CACNA2D3: variants seen among roughly 807,000 people sequenced by gnomAD.
CACNA2D3 encodes the protein calcium voltage-gated channel auxiliary subunit alpha2delta 3, also known as voltage-dependent calcium channel subunit alpha-2/delta-3.
CACNA2D3 carries 60 observed loss-of-function variants against 160.6 expected under a neutral mutation model. The observed-to-expected ratio is 0.37, with a 90% CI of 0.30 to 0.46. The LOEUF is 0.46. Ranked by LOEUF, CACNA2D3 falls within the 20% of genes least tolerant of loss-of-function variation. The probability of loss-of-function intolerance (pLI) is 1.00; values close to 1 mark genes in which losing one functional copy is unlikely to be tolerated. For synonymous variants in CACNA2D3, 558 were observed against 492.9 expected, an observed-to-expected ratio of 1.13 and a Z score of -1.75; for missense variants, 1,205 against 1,365.0, an observed-to-expected ratio of 0.88 and a Z score of 1.85.
chr3:54,292,550 A>G (rs548881387), intron 2 of CACNA2D3, among the ~76,000 whole-genome samples: 2 of 152,302 alleles, frequency 1.3e-5, no homozygotes, highest in African/African-American at 4.8e-5. Flanking sequence ...AAGATACACA[A>G]ATGGCCAATA....
chr3:54,234,201 T>C (rs1701832308), intron 2 of CACNA2D3, among the ~76,000 whole-genome samples: 1 of 152,112 alleles, frequency 6.6e-6, no homozygotes, highest in African/African-American at 2.4e-5. Flanking sequence ...AACAGACACT[T>C]CTCAAAAGAA....
chr3:54,313,680 C>T (rs1703794904), intron 2 of CACNA2D3, among the ~76,000 whole-genome samples: 2 of 152,162 alleles, frequency 1.3e-5, no homozygotes, highest in South Asian at 2.1e-4. Flanking sequence ...CGGGAGTCTC[C>T]CCTCTGGACT....
chr3:54,963,396 A>G lies in CACNA2D3; in HGVS notation c.2450-5054A>G, dbSNP rs538825532. Among the ~76,000 whole-genome samples the G allele has an allele frequency of 3.3e-5, 5 of 152,332 alleles. No individual in the cohort carries two copies. In the East Asian group the frequency reaches 7.7e-4, roughly 23 times the overall value. ...TCATCGTCCAGTAGAAGTCTCTGCA[A>G]TGATGGAAATATTCTAGATCTGCAT... is the stretch of plus-strand genomic sequence containing the variant. On this transcript the variant is annotated intron_variant, in intron 27 of 37. Coordinates refer to ENST00000474759, the MANE Select transcript of CACNA2D3 (RefSeq NM_018398.3).
intron 35 of CACNA2D3, among the ~76,000 whole-genome samples, chr3:55,020,245 A>T (rs983065351): frequency 6.6e-6 from 1 of 150,812 alleles, no homozygotes; most frequent in Admixed American, 6.6e-5. Context: ...CTACTCTTGC[A>T]TACTAATTTT....
chr3:54,190,319 G>A (rs1700956911), intron 2 of CACNA2D3, among the ~76,000 whole-genome samples: 1 of 152,208 alleles, frequency 6.6e-6, no homozygotes, highest in African/African-American at 2.4e-5. Context: ...TCAATGGCAG[G>A]TGAGGTGAGG....
chr3:54,851,982 A>G (rs190054995), intron 17 of CACNA2D3, among the ~76,000 whole-genome samples: 9 of 152,316 alleles, frequency 5.9e-5, no homozygotes, highest in Admixed American at 5.9e-4. Context: ...GTGACCAGAC[A>G]TTTTGGACCC....
chr3:54,369,987 A>G (rs1037460118), intron 3 of CACNA2D3, among the ~76,000 whole-genome samples: 52 of 152,246 alleles, frequency 3.4e-4, no homozygotes, highest in Non-Finnish European at 1.8e-4. Flanking sequence ...TTTCTGACTA[A>G]TTAGCTTCAT....
rs542070145 is a variant in CACNA2D3, at chr3:54,276,136, C to G, written c.205-44306C>G. On this transcript the variant is annotated intron_variant, in intron 2 of 37. Coordinates refer to ENST00000474759, the MANE Select transcript of CACNA2D3 (RefSeq NM_018398.3). ...GATGGGTTGGCTGCCCACTGCACCC[C>G]TGAGCCCTCTACTCTTCCCAAATGA... Among the ~76,000 whole-genome samples, 4 of 152,282 alleles carry G rather than the reference C, an allele frequency of 2.6e-5. No individual in the cohort carries two copies. In the East Asian group the frequency reaches 5.8e-4, roughly 22 times the overall value.
intron 9 of CACNA2D3, among the ~76,000 whole-genome samples, chr3:54,616,148 T>C (rs571331222): frequency 6.6e-6 from 1 of 152,210 alleles, no homozygotes; most frequent in African/African-American, 2.4e-5. Flanking sequence ...TTATCTCATG[T>C]AGTTCCTGGA....
chr3:54,784,694 G>A (rs574783160), intron 13 of CACNA2D3, among the ~76,000 whole-genome samples: 6 of 152,268 alleles, frequency 3.9e-5, no homozygotes, highest in South Asian at 4.1e-4. Flanking sequence ...GAAATGTTCC[G>A]TAGAAGAAGA....
chr3:54,950,475 C>T lies in CACNA2D3; in HGVS notation c.2450-17975C>T, dbSNP rs572551595. Among the ~76,000 whole-genome samples the T allele has an allele frequency of 4.6e-5, 7 of 152,196 alleles. No individual in the cohort carries two copies. In the East Asian group the frequency reaches 7.7e-4, roughly 17 times the overall value. ...CTTCCCTCTTCATCTTGCAAGGCAG[C>T]GATATAATGCTGACAATAATTATAA... is the stretch of plus-strand genomic sequence containing the variant. On this transcript the variant is annotated intron_variant, in intron 27 of 37. Coordinates refer to ENST00000474759, the MANE Select transcript of CACNA2D3 (RefSeq NM_018398.3).
intron 11 of CACNA2D3, among the ~76,000 whole-genome samples, chr3:54,645,400 G>A (rs941508886): frequency 1.3e-5 from 2 of 152,196 alleles, no homozygotes; most frequent in African/African-American, 2.4e-5. Flanking sequence ...TAAAATTTTA[G>A]AGTTGTAGTT....
chr3:54,270,595 T>G (rs1472530710), intron 2 of CACNA2D3, among the ~76,000 whole-genome samples: 1 of 152,190 alleles, frequency 6.6e-6, no homozygotes, highest in Non-Finnish European at 1.5e-5. Context: ...ATCTTACAGT[T>G]CCATAGGTTG....
intron 2 of CACNA2D3, among the ~76,000 whole-genome samples, chr3:54,316,076 G>GGTGT (rs10543331): frequency 2.0e-5 from 3 of 150,684 alleles, no homozygotes; most frequent in African/African-American, 7.3e-5. Context: ...CTCCTAGCAG[G>GGTGT]GTGTGTGTGT....
At chr3:54,303,803 A>G (rs536100753) in intron 2 of CACNA2D3, among the ~76,000 whole-genome samples, 1 of 122,888 alleles carries the variant, frequency 8.1e-6, no homozygotes, top group East Asian at 2.1e-4. Flanking sequence ...CAGCCTCATC[A>G]GTGACTTTTT....
intron 3 of CACNA2D3, among the ~76,000 whole-genome samples, chr3:54,322,881 C>G (rs1704035747): frequency 1.3e-5 from 2 of 151,916 alleles, no homozygotes; most frequent in Non-Finnish European, 1.5e-5. Context: ...AAATAAGTTG[C>G]TCTGTTTAAA....
intron 17 of CACNA2D3, among the ~76,000 whole-genome samples, chr3:54,850,251 A>C (rs1027279668): frequency 1.3e-5 from 2 of 152,170 alleles, no homozygotes; most frequent in Admixed American, 1.3e-4. Context: ...TGATGAAGTA[A>C]TCTTCAAAGG....
At chr3:55,072,138 A>G (rs1004753504) in intron 35 of CACNA2D3, among the ~76,000 whole-genome samples, 99 of 152,238 alleles carry the variant, frequency 6.5e-4, no homozygotes, top group African/African-American at 2.3e-3. Flanking sequence ...TTCTGAGGCC[A>G]GATATAGTTC....
intron 2 of CACNA2D3, among the ~76,000 whole-genome samples, chr3:54,274,032 A>G (rs1208097205): frequency 1.3e-5 from 2 of 151,610 alleles, no homozygotes; most frequent in East Asian, 1.9e-4. Flanking sequence ...TCTTATAGCC[A>G]TGGTATCTCA....
Sources: allele counts gnomAD v4.1 joint callset (sites outside exome capture counted in the v4.1 genomes callset), GRCh38; gene constraint gnomAD v4.1.1; transcripts MANE v1.5; gene names NCBI Gene and HGNC (gene_info 2026-07-23, HGNC 2026-07-21).